Variants in DYRK4 observed in about 807,000 individuals in gnomAD.
DYRK4 encodes dual specificity tyrosine-phosphorylation-regulated kinase 4.
A neutral mutation model predicts 68.3 loss-of-function variants in DYRK4; 64 were observed. That is an observed-to-expected ratio of 0.94 (90% confidence interval 0.77 to 1.15). DYRK4 has a LOEUF of 1.15. Among genes scored for constraint, DYRK4 ranks in the 50% most tolerant of loss-of-function variants. DYRK4 has a pLI of 0.00. For synonymous variants in DYRK4, 274 were observed against 289.9 expected, an observed-to-expected ratio of 0.95 and a Z score of 0.56; for missense variants, 740 against 764.7, an observed-to-expected ratio of 0.97 and a Z score of 0.38.
chr12:4,605,123 C>T (rs1945128332), intron 11 of DYRK4, 37 bp downstream of exon 11: 4 of 1,590,360 alleles, frequency 2.5e-6, no homozygotes, highest in Non-Finnish European at 3.4e-6. Flanking sequence ...CCACGGAGAC[C>T]GTGGGCTTGG....
At chr12:4,595,264 AAC>A (rs1432530142) in intron 6 of DYRK4, among the ~76,000 whole-genome samples, 1 of 152,074 alleles carries the variant, frequency 6.6e-6, no homozygotes, top group African/African-American at 2.4e-5. Context: ...CACATTCTCA[AAC>A]ACATCCTCAG....
intron 10 of DYRK4, chr12:4,602,927 G>A (rs1945097716): frequency 2.3e-6 from 2 of 856,030 alleles, no homozygotes; most frequent in Non-Finnish European, 1.9e-6. Context: ...GTCTTTTAGT[G>A]GAGGAACTTC....
intron 3 of DYRK4, among the ~76,000 whole-genome samples, chr12:4,589,283 A>G (rs1345580262): frequency 6.6e-6 from 1 of 152,218 alleles, no homozygotes; most frequent in Non-Finnish European, 1.5e-5. Flanking sequence ...GTTTTGATGT[A>G]GATATGCAAT....
chr12:4,596,146 C>T lies in DYRK4; in HGVS notation c.628-3C>T. The T allele has an allele frequency of 1.2e-6, 2 of 1,613,896 alleles. No individual in the cohort carries two copies. Among genetic ancestry groups the T allele is most frequent in the South Asian group, 2.2e-5 (2 of 91,030 alleles). ...CTCTTCACCTCCGGCCTGGCTTCCA[C>T]AGGTCCTGCATGATCACATTGCCTA... On this transcript the variant is annotated splice_region_variant and splice_polypyrimidine_tract_variant and intron_variant, in intron 6 of 14. Coordinates refer to ENST00000543431, the MANE Select transcript of DYRK4 (RefSeq NM_001394779.1).
chr12:4,574,837 C>G (rs1336632369), intron 2 of DYRK4, among the ~76,000 whole-genome samples: 2 of 152,136 alleles, frequency 1.3e-5, no homozygotes, highest in African/African-American at 4.8e-5. Flanking sequence ...TGTGCCTCAG[C>G]CTCCCCAGTA....
intron 5 of DYRK4, among the ~76,000 whole-genome samples, chr12:4,592,087 A>C (rs1487242410): frequency 6.6e-6 from 1 of 152,186 alleles, no homozygotes; most frequent in African/African-American, 2.4e-5. Flanking sequence ...ACCACAGCTT[A>C]GAAACTGAAA....
chr12:4,584,551 CCT>C (rs1491107068), intron 2 of DYRK4, among the ~76,000 whole-genome samples: 1 of 134,732 alleles, frequency 7.4e-6, no homozygotes, highest in Non-Finnish European at 1.6e-5. Flanking sequence ...TTCTAATCAG[CCT>C]TTTTTTTTTT....
At chr12:4,570,348 A>G (rs1355052612) in intron 2 of DYRK4, among the ~76,000 whole-genome samples, 1 of 152,232 alleles carries the variant, frequency 6.6e-6, no homozygotes, top group Non-Finnish European at 1.5e-5. Flanking sequence ...ATACTCTTGA[A>G]ACTTAAAACT....
chr12:4,599,459 G>A (rs1294358090), intron 9 of DYRK4, among the ~76,000 whole-genome samples: 1 of 152,044 alleles, frequency 6.6e-6, no homozygotes, highest in African/African-American at 2.4e-5. Context: ...TCAATAGGGG[G>A]AAAGTGACAA....
At chr12:4,595,599 T>C (rs1945008117) in intron 6 of DYRK4, among the ~76,000 whole-genome samples, 1 of 152,114 alleles carries the variant, frequency 6.6e-6, no homozygotes, top group African/African-American at 2.4e-5. Flanking sequence ...CAGGATAGGA[T>C]TAAATCCCAG....
chr12:4,595,971 A>AC (rs1472947284), intron 6 of DYRK4, among the ~76,000 whole-genome samples, 178 bp from the exon 7 acceptor site: 1 of 152,218 alleles, frequency 6.6e-6, no homozygotes, highest in African/African-American at 2.4e-5. Context: ...AATCCAGGCA[A>AC]CAAGCTCCTC....
Position 4,613,625 on chromosome 12 carries a change from C to T in DYRK4, c.1777C>T (p.Leu593=), listed in dbSNP as rs764321210. ...CCAGCACGGAGCTGACACTGTTCAG[C>T]TGCCTCAACTGGTAGACGCTCCCAA... ...CLQHGADTVQ[L]PQLVDAPKKS... Residue 593 remains leucine (L), a synonymous_variant, in exon 15 of 15, where the codon CTG becomes TTG. Coordinates refer to ENST00000543431, the MANE Select transcript of DYRK4 (RefSeq NM_001394779.1). This position sits in a 1 kb window ranked among gnomAD's most constrained non-coding sequence, Gnocchi z 4.0. 1.8e-5 allele frequency: 29 copies of T among 1,613,976 alleles called. No homozygotes were observed. Among genetic ancestry groups the T allele is most frequent in the Non-Finnish European group, 2.5e-5 (29 of 1,179,942 alleles).
chr12:4,585,863 T>C (rs185261811), intron 2 of DYRK4, among the ~76,000 whole-genome samples: 183 of 152,358 alleles, frequency 1.2e-3, no homozygotes, highest in Non-Finnish European at 2.1e-3. Context: ...CTTCATAATT[T>C]AGTTCTGGCT....
intron 9 of DYRK4, 111 bp downstream of exon 9, chr12:4,599,277 T>TTG: frequency 9.0e-7 from 1 of 1,105,194 alleles, no homozygotes; most frequent in Non-Finnish European, 1.3e-6. Flanking sequence ...TGACTTTTTT[T>TTG]TTTTTTTTTT....
At chr12:4,609,747 G>A (rs1945196093) in intron 12 of DYRK4, among the ~76,000 whole-genome samples, 1 of 152,180 alleles carries the variant, frequency 6.6e-6, no homozygotes, top group African/African-American at 2.4e-5. Context: ...GGAGGGCTAA[G>A]GCCATGATCC....
At chr12:4,575,541 C>T (rs560452099) in intron 2 of DYRK4, among the ~76,000 whole-genome samples, 1 of 152,032 alleles carries the variant, frequency 6.6e-6, no homozygotes, top group Non-Finnish European at 1.5e-5. Flanking sequence ...GATCTCCTGA[C>T]CTCGTGATCC....
At chr12:4,590,965 A>T (rs1341243348) in intron 4 of DYRK4, 195 bp from the exon 5 acceptor site, 2 of 648,656 alleles carry the variant, frequency 3.1e-6, no homozygotes, top group African/African-American at 3.6e-5. Context: ...TCTCCCCAGG[A>T]ATAGTGTCAG....
intron 10 of DYRK4, among the ~76,000 whole-genome samples, chr12:4,601,464 G>C (rs1218162449): frequency 1.3e-5 from 2 of 152,178 alleles, no homozygotes; most frequent in African/African-American, 4.8e-5. Flanking sequence ...TACAAATGAA[G>C]AAGGGTTTAA....
intron 11 of DYRK4, among the ~76,000 whole-genome samples, chr12:4,605,902 T>C (rs965785953): frequency 6.6e-6 from 1 of 152,176 alleles, no homozygotes; most frequent in Non-Finnish European, 1.5e-5. Context: ...ATTCGGTGAC[T>C]CCTTTTGAGT....
Sources: gnomAD v4.1 joint callset for allele counts (sites outside exome capture counted in the v4.1 genomes callset) on GRCh38, gnomAD v4.1.1 for gene constraint, Gnocchi (gnomAD v3.1) non-coding constraint, MANE v1.5 for transcripts, NCBI Gene and HGNC (gene_info 2026-07-23, HGNC 2026-07-21) for gene names.